CDH4: variants seen among roughly 807,000 people sequenced by gnomAD.
The protein encoded by CDH4 is cadherin 4, also known as cadherin-4.
In CDH4, 33 loss-of-function variants were observed where a neutral mutation model predicts 86.0. The observed-to-expected ratio is 0.38, with a 90% confidence interval of 0.29 to 0.51. CDH4 has a LOEUF of 0.51. Among genes scored for constraint, CDH4 ranks in the 20% least tolerant of loss-of-function variants. The probability of loss-of-function intolerance (pLI) is 0.86; values close to 1 mark genes in which losing one functional copy is unlikely to be tolerated. For missense variants in CDH4, 1,114 were observed against 1,307.4 expected, an observed-to-expected ratio of 0.85 and a Z score of 2.28; for synonymous variants, 555 against 549.4, an observed-to-expected ratio of 1.01 and a Z score of -0.14.
chr20:61,906,556 G>A (rs1740358), intron 8 of CDH4, among the ~76,000 whole-genome samples: 18,627 of 152,254 alleles, frequency 0.12, 2,576 homozygotes, highest in East Asian at 0.44. Context: ...AAGGAGAAGC[G>A]CCCTAAGATT....
intron 2 of CDH4, among the ~76,000 whole-genome samples, chr20:61,341,098 T>TTCACCGTAAGCTTGCCCTTCTCGC (rs1719193986): frequency 6.6e-6 from 1 of 152,224 alleles, no homozygotes; most frequent in Admixed American, 6.5e-5. Flanking sequence ...GATCCTGGCC[T>TTCACCGTAAGCTTGCCCTTCTCGC]TCACCGTAAG....
intron 2 of CDH4, among the ~76,000 whole-genome samples, chr20:61,286,452 G>A (rs2084293786): frequency 6.6e-6 from 1 of 152,252 alleles, no homozygotes; most frequent in Non-Finnish European, 1.5e-5. Flanking sequence ...CTTCTGCGGA[G>A]GGCATGGATC....
intron 2 of CDH4, among the ~76,000 whole-genome samples, chr20:61,691,936 C>T (rs1299772950): frequency 2.0e-5 from 3 of 152,186 alleles, no homozygotes. Flanking sequence ...CCCATGACAG[C>T]CTACTGAGCA....
At chr20:61,584,221 ATCAAGTCTCTAAATGTTGCAGCC>A (rs1352690393) in intron 2 of CDH4, among the ~76,000 whole-genome samples, 1 of 152,186 alleles carries the variant, frequency 6.6e-6, no homozygotes, top group Non-Finnish European at 1.5e-5. Flanking sequence ...GCTTTCCTAC[ATCAAGTCTCTAAATGTTGCAGCC>A]TCAGACAGCT....
chr20:61,930,672 T>C (rs2055096168), intron 13 of CDH4, among the ~76,000 whole-genome samples: 1 of 152,228 alleles, frequency 6.6e-6, no homozygotes, highest in African/African-American at 2.4e-5. Context: ...GTCTGAGTTA[T>C]GAGGACTCTG....
chr20:61,790,682 A>C (rs1600991158), intron 4 of CDH4, among the ~76,000 whole-genome samples: 1 of 147,448 alleles, frequency 6.8e-6, no homozygotes, highest in Non-Finnish European at 1.5e-5. Flanking sequence ...CCATCCATTC[A>C]TCTCTCCATC....
intron 2 of CDH4, among the ~76,000 whole-genome samples, chr20:61,376,061 T>TCTTG (rs2084870725): frequency 8.4e-6 from 1 of 118,718 alleles, no homozygotes; most frequent in Non-Finnish European, 1.9e-5. Context: ...GTGGTGATGG[T>TCTTG]GTGGTTTGTT....
intron 2 of CDH4, among the ~76,000 whole-genome samples, chr20:61,591,543 A>G (rs1184315779): frequency 2.0e-5 from 3 of 151,444 alleles, no homozygotes; most frequent in Non-Finnish European, 4.4e-5. Flanking sequence ...GTAGATGGGA[A>G]GGGAGGGTCA....
intron 2 of CDH4, among the ~76,000 whole-genome samples, chr20:61,656,470 G>C (rs553144064): frequency 3.3e-5 from 5 of 151,964 alleles, no homozygotes; most frequent in African/African-American, 1.2e-4. Flanking sequence ...GGACAGGTGC[G>C]TGTTGGGGTG....
chr20:61,687,650 A>C (rs2087600218), intron 2 of CDH4, among the ~76,000 whole-genome samples: 1 of 152,246 alleles, frequency 6.6e-6, no homozygotes, highest in Non-Finnish European at 1.5e-5. Flanking sequence ...AATGCGTGTA[A>C]GTTTTTTAAA....
chr20:61,792,286 C>A (rs1480590570), intron 4 of CDH4, among the ~76,000 whole-genome samples: 1 of 152,144 alleles, frequency 6.6e-6, no homozygotes, highest in Non-Finnish European at 1.5e-5. Flanking sequence ...TGACAGCACC[C>A]AGCATCCCCA....
Position 61,417,184 on chromosome 20 carries a change from C to T in CDH4, c.169+162247C>T, listed in dbSNP as rs1234399163. On this transcript the variant is annotated intron_variant, in intron 2 of 15. Transcript: ENST00000614565. The surrounding 1 kb of genome is among the most constrained non-coding windows in gnomAD (Gnocchi z 4.0). ...CTTCAGAAAAGGACTCTGTTGGGGG[C>T]ATGCAGTCCTGGTCTCCAAGAGACT... is the stretch of plus-strand genomic sequence containing the variant. Among the ~76,000 whole-genome samples the T allele has an allele frequency of 6.6e-6, 1 of 152,060 alleles. No homozygotes were observed. Among genetic ancestry groups the T allele is most frequent in the Non-Finnish European group, 1.5e-5 (1 of 68,004 alleles).
At chr20:61,890,527 G>A (rs934440165) in intron 7 of CDH4, among the ~76,000 whole-genome samples, 1 of 151,680 alleles carries the variant, frequency 6.6e-6, no homozygotes, top group Non-Finnish European at 1.5e-5. Context: ...TGGACAGGTG[G>A]ATGGATGGAT....
chr20:61,553,926 A>C (rs962958706), intron 2 of CDH4, among the ~76,000 whole-genome samples: 1 of 152,132 alleles, frequency 6.6e-6, no homozygotes, highest in African/African-American at 2.4e-5. Context: ...CTCAGATGCA[A>C]CTAATAATTT....
At chr20:61,617,640 G>T (rs539826591) in intron 2 of CDH4, among the ~76,000 whole-genome samples, 1 of 152,216 alleles carries the variant, frequency 6.6e-6, no homozygotes, top group African/African-American at 2.4e-5. Context: ...AGCCTCTGAC[G>T]TGAAAAGGTG....
chr20:61,625,641 C>T (rs1292732920), intron 2 of CDH4, among the ~76,000 whole-genome samples: 1 of 152,148 alleles, frequency 6.6e-6, no homozygotes, highest in Non-Finnish European at 1.5e-5. Flanking sequence ...TTTTGTTTTT[C>T]AGGATTGCTT....
intron 2 of CDH4, among the ~76,000 whole-genome samples, chr20:61,256,575 G>T (rs946893886): frequency 1.3e-5 from 2 of 152,234 alleles, no homozygotes; most frequent in South Asian, 4.1e-4. Context: ...CTGGCCGGAT[G>T]TCGGCCTGGC....
intron 2 of CDH4, among the ~76,000 whole-genome samples, chr20:61,706,715 A>T (rs1242056321): frequency 6.6e-6 from 1 of 152,064 alleles, no homozygotes; most frequent in Non-Finnish European, 1.5e-5. Flanking sequence ...CCTTGGCTGA[A>T]TTCTCCCGAG....
chr20:61,840,118 G>A (rs1365180462), intron 4 of CDH4, among the ~76,000 whole-genome samples: 7 of 152,164 alleles, frequency 4.6e-5, no homozygotes, highest in Non-Finnish European at 1.0e-4. Context: ...ACAACTTAAG[G>A]GGGTGTCACT....
Sources: allele counts gnomAD v4.1 joint callset (sites outside exome capture counted in the v4.1 genomes callset), GRCh38; gene constraint gnomAD v4.1.1; non-coding constraint Gnocchi (gnomAD v3.1); transcripts MANE v1.5; gene names NCBI Gene and HGNC (gene_info 2026-07-23, HGNC 2026-07-21).